The following CWF19L2 variants were observed in gnomAD, a reference collection of about 807,000 sequenced individuals.
CWF19L2 encodes CWF19-like protein 2.
A neutral mutation model predicts 111.7 loss-of-function variants in CWF19L2; 98 were observed. The ratio of observed to expected loss-of-function variants is 0.88; its 90% CI spans 0.75 to 1.04. The LOEUF is 1.04. Ranked by LOEUF, CWF19L2 falls within the 50% of genes least tolerant of loss-of-function variation. The pLI is 0.00. For missense variants in CWF19L2, 1,101 were observed against 1,051.4 expected (o/e 1.05, Z -0.65); for synonymous variants, 351 against 342.9 (o/e 1.02, Z -0.26).
chr11:107,335,116 A>G (rs1425520965), intron 15 of CWF19L2, among the ~76,000 whole-genome samples, 155 bp from the exon 16 acceptor site: 1 of 152,206 alleles, frequency 6.6e-6, no homozygotes, highest in Non-Finnish European at 1.5e-5. Flanking sequence ...ATTTAAAATA[A>G]GAACTTCTTA....
chr11:107,426,341 T>A (rs1051345741), intron 8 of CWF19L2, among the ~76,000 whole-genome samples: 1 of 151,902 alleles, frequency 6.6e-6, no homozygotes, highest in African/African-American at 2.4e-5. Context: ...TCAATAATAC[T>A]ATCAGCAAGA....
Position 107,433,674 on chromosome 11 carries a change from T to C in CWF19L2, c.740A>G (p.Gln247Arg), listed in dbSNP as rs767780642. 6.3e-7 allele frequency: 1 copy of C among 1,592,268 alleles called. No homozygotes were observed. Among genetic ancestry groups the C allele is most frequent in the Non-Finnish European group, 8.6e-7 (1 of 1,168,462 alleles). The stretch of plus-strand genomic sequence containing the variant: ...TACAATGTCCTCAAAGTTTCTACTT[T>C]GTTTCTCAGCTTGTTCCTTCATTCT... The part of the protein sequence containing the change: ...YLRMKEQAEK[Q>R]SRNFEDIVAE... Residue 247 changes from glutamine (Q) to arginine (R), a missense_variant, in exon 7 of 18, where the codon CAA becomes CGA. Coordinates refer to ENST00000282251, the MANE Select transcript of CWF19L2 (RefSeq NM_152434.3).
chr11:107,349,253 G>A (rs1860124981), intron 13 of CWF19L2, among the ~76,000 whole-genome samples, 200 bp from the exon 14 acceptor site: 1 of 152,144 alleles, frequency 6.6e-6, no homozygotes, highest in African/African-American at 2.4e-5. Flanking sequence ...AAAGGCATCA[G>A]GATAGCTTTT....
chr11:107,410,092 TC>T (rs781205594), intron 10 of CWF19L2, among the ~76,000 whole-genome samples: 25 of 152,258 alleles, frequency 1.6e-4, no homozygotes, highest in Admixed American at 7.9e-4. Context: ...TTTACCTTAT[TC>T]CTGTAACTTA....
intron 14 of CWF19L2, among the ~76,000 whole-genome samples, chr11:107,347,182 TA>T (rs1860092484): frequency 6.6e-6 from 1 of 152,210 alleles, no homozygotes; most frequent in Non-Finnish European, 1.5e-5. Context: ...ATTACTCAAG[TA>T]TGCTATGCTA....
In CWF19L2 at chr11:107,348,975, C is replaced by T. The variant is rs1860119889; in HGVS notation, c.2164G>A (p.Ala722Thr). 1 of 1,609,962 alleles carries T rather than the reference C, an allele frequency of 6.2e-7. No individual in the cohort carries two copies. The highest frequency in any genetic ancestry group is 1.3e-5 in the African/African-American group (1 of 74,880). ...CAGATGTCTTCATCCAACAAAGTAGCTGCTCTATGGTGCTGCAAAGGGACT... is the reference window on the plus strand; with the variant it reads ...CAGATGTCTTCATCCAACAAAGTAGTTGCTCTATGGTGCTGCAAAGGGACT... ...LIVPLQHHRA[A>T]TLLDEDIWEE... is the part of the protein sequence containing the mutation. Residue 722 changes from alanine (A) to threonine (T), a missense_variant, in exon 14 of 18, where the codon GCT becomes ACT. Ala to Thr is a moderately conservative substitution (Grantham distance 58). Coordinates refer to ENST00000282251, the MANE Select transcript of CWF19L2 (RefSeq NM_152434.3).
At chr11:107,436,653 A>C (rs745567268) in intron 6 of CWF19L2, among the ~76,000 whole-genome samples, 1 of 152,180 alleles carries the variant, frequency 6.6e-6, no homozygotes, top group Non-Finnish European at 1.5e-5. Flanking sequence ...AAAAATAAAA[A>C]GGGGGAAGAA....
chr11:107,352,577 A>C (rs1860172833), intron 13 of CWF19L2, among the ~76,000 whole-genome samples: 1 of 152,188 alleles, frequency 6.6e-6, no homozygotes, highest in African/African-American at 2.4e-5. Flanking sequence ...TGTTTACATG[A>C]AAGTTGGGAA....
intron 3 of CWF19L2, among the ~76,000 whole-genome samples, chr11:107,451,418 T>TA (rs1242078663): frequency 2.0e-5 from 3 of 151,764 alleles, no homozygotes; most frequent in Admixed American, 1.3e-4. Flanking sequence ...AAGAGCAAAT[T>TA]AAACACAAAG....
intron 12 of CWF19L2, among the ~76,000 whole-genome samples, chr11:107,379,929 C>T (rs1416912574): frequency 6.6e-6 from 1 of 151,478 alleles, no homozygotes; most frequent in African/African-American, 2.4e-5. Flanking sequence ...GGCATGGTTG[C>T]AGGCCCCTAT....
chr11:107,345,752 A>T (rs891331321), intron 14 of CWF19L2, among the ~76,000 whole-genome samples: 3 of 152,176 alleles, frequency 2.0e-5, no homozygotes, highest in Admixed American at 2.0e-4. Context: ...ATCAAGCATG[A>T]TGTTCTCCAT....
At chr11:107,394,566 T>C (rs1860895310) in intron 10 of CWF19L2, among the ~76,000 whole-genome samples, 1 of 152,244 alleles carries the variant, frequency 6.6e-6, no homozygotes, top group African/African-American at 2.4e-5. Flanking sequence ...GTTCTGCCTT[T>C]ACCTCTCTGA....
chr11:107,380,034 G>A (rs1016080846), intron 12 of CWF19L2, among the ~76,000 whole-genome samples: 5 of 91,230 alleles, frequency 5.5e-5, no homozygotes, highest in Admixed American at 5.2e-4. Context: ...GCGACAGAGC[G>A]AGACACCGTC....
chr11:107,356,302 A>C (rs775269023), intron 12 of CWF19L2, among the ~76,000 whole-genome samples: 25 of 152,214 alleles, frequency 1.6e-4, no homozygotes, highest in Non-Finnish European at 2.4e-4. Context: ...TCTCAAATCA[A>C]TGATGCCAAC....
At chr11:107,388,953 G>A (rs1320988916) in intron 12 of CWF19L2, among the ~76,000 whole-genome samples, 1 of 151,954 alleles carries the variant, frequency 6.6e-6, no homozygotes, top group African/African-American at 2.4e-5. Context: ...TTGCTGATAG[G>A]TACAAAAGCC....
intron 9 of CWF19L2, among the ~76,000 whole-genome samples, chr11:107,416,728 A>T (rs1861231726): frequency 6.6e-6 from 1 of 152,230 alleles, no homozygotes; most frequent in South Asian, 2.1e-4. Context: ...TTACTCTAGG[A>T]AACTTATAGA....
At chr11:107,406,828 T>C (rs1861085467) in intron 10 of CWF19L2, among the ~76,000 whole-genome samples, 1 of 151,662 alleles carries the variant, frequency 6.6e-6, no homozygotes, top group Non-Finnish European at 1.5e-5. Flanking sequence ...TTGTATATCG[T>C]ATCTACTCTT....
chr11:107,327,989 G>C (rs1208964433), intron 17 of CWF19L2, among the ~76,000 whole-genome samples: 1 of 152,034 alleles, frequency 6.6e-6, no homozygotes, highest in East Asian at 1.9e-4. Context: ...ATGTTGTAGG[G>C]GATACAGAGA....
chr11:107,379,526 A>C (rs1173917136), intron 12 of CWF19L2, among the ~76,000 whole-genome samples: 1 of 152,262 alleles, frequency 6.6e-6, no homozygotes, highest in Non-Finnish European at 1.5e-5. Context: ...GTATCCACTA[A>C]TAACAACCAT....
Sources: gnomAD v4.1 joint callset for allele counts (sites outside exome capture counted in the v4.1 genomes callset) on GRCh38, gnomAD v4.1.1 for gene constraint, MANE v1.5 for transcripts, NCBI Gene and HGNC (gene_info 2026-07-23, HGNC 2026-07-21) for gene names.